Variants in CLYBL observed in about 807,000 individuals in gnomAD.
CLYBL encodes the protein citramalyl-CoA lyase, mitochondrial.
A neutral mutation model predicts 38.9 loss-of-function variants in CLYBL; 31 were observed. The ratio of observed to expected loss-of-function variants is 0.80; its 90% CI spans 0.60 to 1.08. The LOEUF (loss-of-function observed/expected upper bound fraction) is 1.08, where lower values mean the gene tolerates loss of function less well. Ranked by LOEUF, CLYBL falls within the 50% of genes least tolerant of loss-of-function variation. The pLI is 0.00. For synonymous variants in CLYBL, 171 were observed against 158.6 expected, an observed-to-expected ratio of 1.08 and a Z score of -0.59; for missense variants, 434 against 411.6, an observed-to-expected ratio of 1.05 and a Z score of -0.47.
intron 2 of CLYBL, among the ~76,000 whole-genome samples, chr13:99,801,372 G>T (rs1037937831): frequency 6.6e-6 from 1 of 151,984 alleles, no homozygotes; most frequent in Admixed American, 6.6e-5. Flanking sequence ...GAAAAAATAG[G>T]TGTCCTCATG....
intron 1 of CLYBL, among the ~76,000 whole-genome samples, chr13:99,752,648 G>C (rs768273884): frequency 9.9e-5 from 15 of 152,160 alleles, no homozygotes; most frequent in Admixed American, 2.6e-4. Context: ...CTGCGCTGCT[G>C]TCTTCCCTCC....
At chr13:99,906,462 G>A (rs1417214805) in intron 9 of CLYBL, among the ~76,000 whole-genome samples, 1 of 150,056 alleles carries the variant, frequency 6.7e-6, no homozygotes, top group Non-Finnish European at 1.5e-5. Context: ...TTGAGACAAA[G>A]TCTTGCTCGG....
Position 99,793,032 on chromosome 13 carries a change from T to TAA in CLYBL, c.249+20023_249+20024dup, listed in dbSNP as rs201824374. ...TTCTTCTTGTGCACATGTGCATACA[T>TAA]AACACACACACACACACACACACAC... On this transcript the variant is annotated intron_variant, in intron 2 of 8. Coordinates refer to ENST00000339105, the MANE Select transcript of CLYBL (RefSeq NM_206808.5). Among the ~76,000 whole-genome samples, 326 of 115,752 alleles carry TAA rather than the reference T, an allele frequency of 2.8e-3. 3 individuals carry two copies. The East Asian group carries it at 0.049, about 17-fold the overall frequency. The allele number at this position is 115,752 out of a possible 152,430, so 75.9% of individuals were successfully genotyped here.
chr13:99,625,410 GT>G (rs377466398), intron 1 of CLYBL, among the ~76,000 whole-genome samples: 24 of 152,330 alleles, frequency 1.6e-4, no homozygotes, highest in African/African-American at 5.8e-4. Context: ...GGCCAAGGAA[GT>G]GATTTACAAA....
chr13:99,843,501 C>G (rs2051131605), intron 2 of CLYBL, among the ~76,000 whole-genome samples: 1 of 152,112 alleles, frequency 6.6e-6, no homozygotes, highest in African/African-American at 2.4e-5. Context: ...GGGAGCTGTT[C>G]TCTCCATTAC....
intron 1 of CLYBL, among the ~76,000 whole-genome samples, chr13:99,761,578 TTTGA>T (rs1045803430): frequency 3.9e-5 from 6 of 152,304 alleles, no homozygotes; most frequent in South Asian, 2.1e-4. Flanking sequence ...TGATAGACAC[TTTGA>T]TTGGTTCCAT....
At chr13:99,860,925 C>T (rs1426416575) in intron 3 of CLYBL, among the ~76,000 whole-genome samples, 1 of 152,192 alleles carries the variant, frequency 6.6e-6, no homozygotes, top group African/African-American at 2.4e-5. Context: ...ACAAGCGTAA[C>T]CCTGCCTCCT....
chr13:99,608,061 CTT>C (rs56149363), intron 1 of CLYBL, among the ~76,000 whole-genome samples: 21,006 of 74,358 alleles, frequency 0.28, 2,916 homozygotes, highest in Non-Finnish European at 0.37. Flanking sequence ...TCTGGAACTT[CTT>C]TTTTTTTTTT....
chr13:99,899,935 TA>T (rs1269229710), downstream of CLYBL, among the ~76,000 whole-genome samples: 7 of 152,214 alleles, frequency 4.6e-5, no homozygotes, highest in Non-Finnish European at 8.8e-5. Flanking sequence ...TTTATTTATT[TA>T]TTTTTTTTGA....
At chr13:99,670,209 G>A (rs72653907) in intron 1 of CLYBL, among the ~76,000 whole-genome samples, 1 of 151,616 alleles carries the variant, frequency 6.6e-6, no homozygotes, top group Non-Finnish European at 1.5e-5. Flanking sequence ...AAAAAAAAAA[G>A]AGCTAGGTGC....
intron 1 of CLYBL, among the ~76,000 whole-genome samples, chr13:99,619,119 A>G (rs868246976): frequency 1.3e-5 from 2 of 152,238 alleles, no homozygotes; most frequent in African/African-American, 4.8e-5. Flanking sequence ...TGAATGTGGT[A>G]TCCCCTCCAA....
chr13:99,851,270 G>A (rs1359018192), intron 2 of CLYBL, among the ~76,000 whole-genome samples: 1 of 150,990 alleles, frequency 6.6e-6, no homozygotes, highest in Non-Finnish European at 1.5e-5. Context: ...GGGAGGCTGA[G>A]GCAGGAGAAT....
At chr13:99,636,886 A>G (rs1393639627) in intron 1 of CLYBL, among the ~76,000 whole-genome samples, 2 of 151,982 alleles carry the variant, frequency 1.3e-5, no homozygotes, top group Non-Finnish European at 2.9e-5. Context: ...GGTCTAATTT[A>G]AACTTTTTTT....
intron 8 of CLYBL, chr13:99,892,123 A>G (rs1200130403): frequency 6.6e-6 from 1 of 152,252 alleles, no homozygotes; most frequent in Admixed American, 6.5e-5. Context: ...CAGAAACACA[A>G]GACCATCCAT....
chr13:99,870,965 T>C lies in CLYBL; in HGVS notation c.830T>C (p.Ile277Thr). 1 of 1,612,908 alleles carries C rather than the reference T, an allele frequency of 6.2e-7. No individual in the cohort carries two copies. Among genetic ancestry groups the C allele is most frequent in the Non-Finnish European group, 8.5e-7 (1 of 1,179,570 alleles). ...TGKQVIHPNQ[I>T]AVVQEQFSPS... is the part of the protein sequence containing the mutation. ...AAGCAGGTGATTCACCCTAACCAAA[T>C]TGCCGTGGTCCAGGAGCAGTTTTCT... Residue 277 changes from isoleucine (I) to threonine (T), a missense_variant, in exon 7 of 9, where the codon ATT becomes ACT. Physicochemically the swap from Ile to Thr is moderately conservative, Grantham distance 89. Transcript: ENST00000339105.
At chr13:99,837,764 C>A (rs561280485) in intron 2 of CLYBL, among the ~76,000 whole-genome samples, 1 of 152,134 alleles carries the variant, frequency 6.6e-6, no homozygotes, top group Non-Finnish European at 1.5e-5. Context: ...GCTTTTCAAC[C>A]CTGGCCGTCC....
chr13:99,845,914 T>C (rs1333828488), intron 2 of CLYBL, among the ~76,000 whole-genome samples: 1 of 151,438 alleles, frequency 6.6e-6, no homozygotes, highest in African/African-American at 2.4e-5. Flanking sequence ...GAAAATAAAA[T>C]TGACAAAGAA....
At chr13:99,682,129 G>A (rs932941597) in intron 1 of CLYBL, among the ~76,000 whole-genome samples, 2 of 151,916 alleles carry the variant, frequency 1.3e-5, no homozygotes, top group African/African-American at 4.8e-5. Context: ...TAACACAGTG[G>A]TAAGGATTTC....
intron 2 of CLYBL, among the ~76,000 whole-genome samples, chr13:99,841,469 A>C (rs1258438878): frequency 6.6e-6 from 1 of 151,926 alleles, no homozygotes; most frequent in Admixed American, 6.6e-5. Context: ...GTGTAGTCTC[A>C]GCTCACTGCA....
Sources: allele counts gnomAD v4.1 joint callset (sites outside exome capture counted in the v4.1 genomes callset), GRCh38; gene constraint gnomAD v4.1.1; transcripts MANE v1.5; gene names NCBI Gene and HGNC (gene_info 2026-07-23, HGNC 2026-07-21).